CUBN: variants seen among roughly 807,000 people sequenced by gnomAD.
CUBN encodes 460 kDa receptor.
In CUBN, 282 loss-of-function variants were observed where a neutral mutation model predicts 405.3. That is an observed-to-expected ratio of 0.70 (90% CI 0.63 to 0.77). The LOEUF (loss-of-function observed/expected upper bound fraction) is 0.77. Ranked by LOEUF, CUBN falls within the 30% of genes least tolerant of loss-of-function variation. The pLI is 0.00. For missense variants in CUBN, 4,514 were observed against 4,475.2 expected (o/e 1.01, Z -0.25); for synonymous variants, 1,684 against 1,617.0 (o/e 1.04, Z -0.99).
intron 28 of CUBN, among the ~76,000 whole-genome samples, chr10:17,018,962 G>T (rs377291218): frequency 6.6e-6 from 1 of 152,154 alleles, no homozygotes; most frequent in Admixed American, 6.5e-5. Flanking sequence ...AAGCTCAGCC[G>T]GCTTCACCTC....
intron 17 of CUBN, among the ~76,000 whole-genome samples, chr10:17,073,898 ACAATAGTGTGAATTCC>A (rs1264037904): frequency 1.3e-5 from 2 of 152,210 alleles, no homozygotes; most frequent in Non-Finnish European, 2.9e-5. Context: ...AACAGATGAA[ACAATAGTGTGAATTCC>A]TTAGCCAAAT....
chr10:17,065,523 T>C lies in CUBN; in HGVS notation c.3124A>G (p.Ile1042Val). 1 of 1,613,446 alleles carries C rather than the reference T, an allele frequency of 6.2e-7. No individual in the cohort carries two copies. The highest frequency in any genetic ancestry group is 1.1e-5 in the South Asian group (1 of 91,082). Residue 1042 changes from isoleucine to valine, a missense_variant, in exon 22 of 67, where the codon ATC becomes GTC. By Grantham distance (29) the Ile-to-Val change is conservative. Transcript: ENST00000377833. ...GTTTTGTTACCTGTTGCTGCACTGA[T>C]TGCTTCATAGTTTATTAAGAAGCCT... is the stretch of plus-strand genomic sequence containing the variant. ...YEGFLINYEA[I>V]SAATACLQDY... is the part of the protein sequence containing the mutation.
At chr10:16,839,226 C>T (rs1839267630) in intron 62 of CUBN, among the ~76,000 whole-genome samples, 1 of 152,120 alleles carries the variant, frequency 6.6e-6, no homozygotes, top group East Asian at 1.9e-4. Flanking sequence ...TAAGATGCAT[C>T]TTAATGCATT....
intron 56 of CUBN, among the ~76,000 whole-genome samples, chr10:16,878,280 T>A (rs927234030): frequency 6.6e-6 from 1 of 151,878 alleles, no homozygotes; most frequent in Non-Finnish European, 1.5e-5. Context: ...AGCACAAGAC[T>A]CCATCTCAAA....
chr10:17,097,916 G>T (rs1836410160), intron 14 of CUBN, among the ~76,000 whole-genome samples: 1 of 151,878 alleles, frequency 6.6e-6, no homozygotes, highest in South Asian at 2.1e-4. Context: ...ATTTAGAAGT[G>T]GGCCTATGTC....
chr10:16,844,801 C>A (rs1264467583), intron 60 of CUBN, among the ~76,000 whole-genome samples: 1 of 152,138 alleles, frequency 6.6e-6, no homozygotes, highest in African/African-American at 2.4e-5. Context: ...GCCAGGTTGC[C>A]CTACAATGCG....
intron 48 of CUBN, among the ~76,000 whole-genome samples, 196 bp downstream of exon 48, chr10:16,913,615 T>C (rs1038142925): frequency 1.3e-5 from 2 of 152,230 alleles, no homozygotes; most frequent in African/African-American, 2.4e-5. Context: ...TGATAGCTGA[T>C]AGTCTCTTCA....
At chr10:16,900,980 C>T in intron 52 of CUBN, 130 bp from the exon 53 acceptor site, 1 of 753,684 alleles carries the variant, frequency 1.3e-6, no homozygotes, top group East Asian at 2.7e-5. Flanking sequence ...TTAATTCTCC[C>T]TTCCCCTCTA....
intron 43 of CUBN, among the ~76,000 whole-genome samples, chr10:16,923,773 A>G (rs564890647): frequency 6.6e-6 from 1 of 152,280 alleles, no homozygotes; most frequent in East Asian, 1.9e-4. Flanking sequence ...AAAAATATAA[A>G]TCAAACTGAG....
At chr10:17,062,853 T>G (rs1042248841) in intron 22 of CUBN, among the ~76,000 whole-genome samples, 33 of 152,216 alleles carry the variant, frequency 2.2e-4, no homozygotes, top group Non-Finnish European at 4.4e-5. Context: ...GGAAATAACT[T>G]CTGTTAGAAC....
chr10:17,038,711 T>G (rs1395765567), intron 27 of CUBN, among the ~76,000 whole-genome samples: 3 of 152,214 alleles, frequency 2.0e-5, no homozygotes, highest in African/African-American at 7.2e-5. Context: ...TAAATGGTTG[T>G]TTGTGTGTTA....
Position 17,126,616 on chromosome 10 carries a change from T to C in CUBN, c.387+145A>G, listed in dbSNP as rs2295812. ...CTGCATCTGCATCCTGGGAAGCACATGCTGGGATGAGAATTAAATTATGGG... is the reference window on the plus strand; with the variant it reads ...CTGCATCTGCATCCTGGGAAGCACACGCTGGGATGAGAATTAAATTATGGG... On this transcript the variant is annotated intron_variant, in intron 4 of 66. Coordinates refer to ENST00000377833, the MANE Select transcript of CUBN (RefSeq NM_001081.4). The C allele has an allele frequency of 0.94, 810,396 of 857,744 alleles. 387,005 individuals are homozygous for C. The highest frequency in any genetic ancestry group is 1 in the Non-Finnish European group (520,851 of 522,588). The allele number at this position is 857,744 out of a possible 1,614,324, so 53.1% of individuals were successfully genotyped here. A position where few individuals can be genotyped will look rare whatever the true frequency, so the allele number is the denominator to read the frequency against.
intron 31 of CUBN, chr10:16,966,018 A>G (rs1248387260): frequency 2.1e-6 from 1 of 470,646 alleles, no homozygotes; most frequent in African/African-American, 2.0e-5. Flanking sequence ...ATTCAGTTAG[A>G]ATGTTGAGAG....
chr10:17,061,828 T>C (rs1260963953), intron 22 of CUBN, among the ~76,000 whole-genome samples: 2 of 152,202 alleles, frequency 1.3e-5, no homozygotes, highest in South Asian at 2.1e-4. Flanking sequence ...CTAGCTGTTA[T>C]ATGCAGTTCA....
At chr10:16,928,007 G>T in intron 41 of CUBN, 150 bp downstream of exon 41, 4 of 846,032 alleles carry the variant, frequency 4.7e-6, no homozygotes, top group Non-Finnish European at 7.6e-6. Flanking sequence ...TGTAAGGGGA[G>T]CCAGCCATCC....
In CUBN at chr10:17,103,184, C is replaced by G. The variant is rs1202792007; in HGVS notation, c.1471G>C (p.Asp491His). ...TTAACATCATGAACATAACCAACAT[C>G]CGGGCTCCTGTAGCTGAAGCTTCCA... is the stretch of plus-strand genomic sequence containing the variant. ...INGSFSYRSP[D>H]VGYVHDVNCF... The change falls in exon 13 of 67, where the codon GAT becomes CAT. Residue 491 changes from aspartate (D) to histidine (H), a missense_variant. Physicochemically the swap from Asp to His is moderately conservative, Grantham distance 81. Coordinates refer to ENST00000377833, the MANE Select transcript of CUBN (RefSeq NM_001081.4). 1 of 1,614,032 alleles carries G rather than the reference C, an allele frequency of 6.2e-7. No homozygotes were observed. The highest frequency in any genetic ancestry group is 1.7e-5 in the Admixed American group (1 of 60,024).
intron 54 of CUBN, among the ~76,000 whole-genome samples, chr10:16,895,728 A>C (rs1841162081): frequency 6.6e-6 from 1 of 152,012 alleles, no homozygotes; most frequent in Non-Finnish European, 1.5e-5. Flanking sequence ...TTTTTTGGTT[A>C]ACCTTTGCAT....
chr10:17,063,856 G>T (rs142772950), intron 22 of CUBN, among the ~76,000 whole-genome samples: 1 of 152,160 alleles, frequency 6.6e-6, no homozygotes, highest in African/African-American at 2.4e-5. Context: ...GTCATCTCTC[G>T]AAGATTACCA....
intron 27 of CUBN, among the ~76,000 whole-genome samples, chr10:17,038,597 TA>T (rs1834948310): frequency 6.6e-6 from 1 of 152,230 alleles, no homozygotes; most frequent in South Asian, 2.1e-4. Flanking sequence ...ATTCTGGCTC[TA>T]GTAACAGGCA....
Sources: gnomAD v4.1 joint callset for allele counts (sites outside exome capture counted in the v4.1 genomes callset) on GRCh38, gnomAD v4.1.1 for gene constraint, MANE v1.5 for transcripts, NCBI Gene and HGNC (gene_info 2026-07-23, HGNC 2026-07-21) for gene names.